GPHN: variants seen among roughly 807,000 people sequenced by gnomAD.
GPHN encodes gephyrin.
A neutral mutation model predicts 95.5 loss-of-function variants in GPHN; 17 were observed. That is an observed-to-expected ratio of 0.18 (90% CI 0.12 to 0.27). The LOEUF is 0.27. GPHN is among the 10% of genes least tolerant of loss of function. The pLI, the probability that GPHN is intolerant of heterozygous loss-of-function variation, is 1.00. For synonymous variants in GPHN, 320 were observed against 322.5 expected (o/e 0.99, Z 0.08); for missense variants, 660 against 978.1 (o/e 0.67, Z 4.34).
chr14:67,298,493 C>T, the GPHN span, among the ~76,000 whole-genome samples: 2 of 145,600 alleles, frequency 1.4e-5, no homozygotes, highest in Non-Finnish European at 3.0e-5. Context: ...CCAGCCTGGG[C>T]GACAAGAGTG....
intron 1 of GPHN, among the ~76,000 whole-genome samples, chr14:66,669,539 T>G (rs2066178160): frequency 6.6e-6 from 1 of 152,156 alleles, no homozygotes; most frequent in Non-Finnish European, 1.5e-5. Context: ...ATCCCTCTTC[T>G]TTGACACTCA....
chr14:67,626,621 C>T, the GPHN span, among the ~76,000 whole-genome samples: 1 of 152,146 alleles, frequency 6.6e-6, no homozygotes, highest in African/African-American at 2.4e-5. Flanking sequence ...CAGGCAAGCA[C>T]CACCATGCCC....
chr14:66,795,266 A>G (rs1043521669), intron 3 of GPHN, among the ~76,000 whole-genome samples: 1 of 151,912 alleles, frequency 6.6e-6, no homozygotes, highest in African/African-American at 2.4e-5. Context: ...CAACCAGTCT[A>G]TTTTGCTTGG....
At chr14:66,519,611 A>G (rs1356931182) in intron 1 of GPHN, among the ~76,000 whole-genome samples, 1 of 152,108 alleles carries the variant, frequency 6.6e-6, no homozygotes, top group Non-Finnish European at 1.5e-5. Context: ...TGCGTTCTTC[A>G]GTTTCCCACA....
At chr14:67,674,757 C>A in the GPHN span, 2 of 328,430 alleles carry the variant, frequency 6.1e-6, no homozygotes, top group Admixed American at 9.8e-5. Context: ...GGAGCGGTGC[C>A]GCGCCGGGGC....
At chr14:67,051,887 A>G (rs1278383914) in intron 10 of GPHN, among the ~76,000 whole-genome samples, 1 of 152,214 alleles carries the variant, frequency 6.6e-6, no homozygotes, top group Non-Finnish European at 1.5e-5. Context: ...GGAAAAATAA[A>G]ATCCTTTTCA....
chr14:67,501,800 T>C, the GPHN span, among the ~76,000 whole-genome samples: 1 of 152,212 alleles, frequency 6.6e-6, no homozygotes, highest in Non-Finnish European at 1.5e-5. Context: ...GCACATATCA[T>C]AAATTACATA....
chr14:67,633,096 A>C, the GPHN span, among the ~76,000 whole-genome samples: 2 of 152,280 alleles, frequency 1.3e-5, no homozygotes, highest in African/African-American at 4.8e-5. Context: ...CTGGGATTAC[A>C]GGCGTGAGCC....
chr14:66,599,515 T>C (rs1431800865), intron 1 of GPHN, among the ~76,000 whole-genome samples: 1 of 151,418 alleles, frequency 6.6e-6, no homozygotes, highest in Non-Finnish European at 1.5e-5. Flanking sequence ...GGAGAAAACA[T>C]TAAGTTGTCT....
intron 3 of GPHN, among the ~76,000 whole-genome samples, chr14:66,777,866 C>A (rs1187288815): frequency 1.3e-5 from 2 of 152,224 alleles, no homozygotes; most frequent in African/African-American, 2.4e-5. Flanking sequence ...CAGCCAATAT[C>A]ATACTGAATG....
the GPHN span, chr14:67,323,632 A>C: frequency 2.5e-6 from 1 of 392,646 alleles, no homozygotes; most frequent in East Asian, 6.0e-5. Flanking sequence ...ATATATATAT[A>C]TATATCAGTA....
At chr14:67,735,307 T>C in the GPHN span, 2 of 836,394 alleles carry the variant, frequency 2.4e-6, no homozygotes, top group East Asian at 2.4e-5. Context: ...CACCTCTCTG[T>C]AGTGTCTCGC....
At chr14:67,197,399 A>C in the GPHN span, 1 of 152,180 alleles carries the variant, frequency 6.6e-6, no homozygotes, top group African/African-American at 2.4e-5. Context: ...TGTGGGCTGC[A>C]TGGCCACATC....
At chr14:66,875,150 C>T (rs1335690288) in intron 4 of GPHN, among the ~76,000 whole-genome samples, 1 of 152,080 alleles carries the variant, frequency 6.6e-6, no homozygotes, top group Non-Finnish European at 1.5e-5. Context: ...TCATATCTGG[C>T]CAAACTAAGC....
rs7156424 is a variant in GPHN at position 67,121,469 on chromosome 14, T to G, written c.1627-787T>G. 2.1e-3 allele frequency among the ~76,000 whole-genome samples: 315 copies of G among 152,262 alleles called. 2 individuals are homozygous for G. The highest frequency in any genetic ancestry group is 3.9e-3 in the Non-Finnish European group (267 of 67,994). Reference sequence around the variant, plus strand: ...CATTATCTCACTCCTAACAATTACCTTGCAAGGTAGTTATTATTACTATAT... The same window carrying G: ...CATTATCTCACTCCTAACAATTACCGTGCAAGGTAGTTATTATTACTATAT... On this transcript the variant is annotated intron_variant, in intron 16 of 22. Transcript: ENST00000478722.
At chr14:67,168,224 T>C (rs2082394489) in intron 20 of GPHN, among the ~76,000 whole-genome samples, 1 of 152,208 alleles carries the variant, frequency 6.6e-6, no homozygotes, top group African/African-American at 2.4e-5. Flanking sequence ...TGATCTTTCC[T>C]GTATGTGTGC....
intron 8 of GPHN, among the ~76,000 whole-genome samples, chr14:66,936,394 A>G (rs2067137488): frequency 6.6e-6 from 1 of 151,932 alleles, no homozygotes; most frequent in Non-Finnish European, 1.5e-5. Context: ...AAAGAAAGAG[A>G]AAGAAATGGG....
chr14:67,166,188 A>AGATTAGATT (rs1299440925), intron 20 of GPHN, among the ~76,000 whole-genome samples: 1 of 152,238 alleles, frequency 6.6e-6, no homozygotes, highest in Non-Finnish European at 1.5e-5. Flanking sequence ...AGCATAAAAG[A>AGATTAGATT]GATTAGATTT....
intron 2 of GPHN, among the ~76,000 whole-genome samples, chr14:66,682,906 A>G (rs1405251480): frequency 2.0e-5 from 3 of 152,158 alleles, no homozygotes; most frequent in Non-Finnish European, 4.4e-5. Context: ...GGATTATAAT[A>G]ATCAATTGCC....
Sources: allele counts gnomAD v4.1 joint callset (sites outside exome capture counted in the v4.1 genomes callset), GRCh38; gene constraint gnomAD v4.1.1; transcripts MANE v1.5; gene names NCBI Gene and HGNC (gene_info 2026-07-23, HGNC 2026-07-21).